RBBP8: variants seen among roughly 807,000 people sequenced by gnomAD.
RBBP8 encodes DNA endonuclease RBBP8.
RBBP8 carries 88 observed loss-of-function variants against 108.3 expected under a neutral mutation model. That is an observed-to-expected ratio of 0.81 (90% CI 0.68 to 0.97). RBBP8 has a LOEUF of 0.97. Ranked by LOEUF, RBBP8 falls within the 50% of genes least tolerant of loss-of-function variation. The pLI is 0.00. For synonymous variants in RBBP8, 332 were observed against 348.2 expected (o/e 0.95, Z 0.52); for missense variants, 1,023 against 1,049.0 (o/e 0.98, Z 0.34).
At chr18:22,956,946 C>T (rs767991883) in intron 4 of RBBP8, among the ~76,000 whole-genome samples, 12 of 152,006 alleles carry the variant, frequency 7.9e-5, no homozygotes, top group Non-Finnish European at 1.2e-4. Flanking sequence ...GTAGATAGAA[C>T]GCATTTTTTT....
chr18:22,955,401 A>T (rs902015591), intron 4 of RBBP8, among the ~76,000 whole-genome samples: 7 of 152,044 alleles, frequency 4.6e-5, no homozygotes, highest in African/African-American at 1.7e-4. Context: ...CTGTTTTTTT[A>T]AATACAGTAG....
At chr18:22,960,696 C>A (rs1043634240) in intron 4 of RBBP8, among the ~76,000 whole-genome samples, 24 of 152,230 alleles carry the variant, frequency 1.6e-4, no homozygotes, top group African/African-American at 5.1e-4. Context: ...CCTCAGCCTC[C>A]CAAAGTGCTA....
rs1411441838 is a variant in RBBP8 at position 22,950,582 on chromosome 18, A to G, written c.248+869A>G. Among the ~76,000 whole-genome samples, 7 of 152,036 alleles carry G rather than the reference A, an allele frequency of 4.6e-5. No individual in the cohort carries two copies. In the East Asian group the frequency reaches 1.4e-3, roughly 29 times the overall value. ...CAAGACCGTGTCTCCAAAAAAAAAA[A>G]AAAAATACAAACCCACGATATCCCA... On this transcript the variant is annotated intron_variant, in intron 4 of 18. Coordinates refer to ENST00000327155, the MANE Select transcript of RBBP8 (RefSeq NM_002894.3).
At position 23,010,416 on chromosome 18, in the gene RBBP8, A is replaced by G. The variant is rs548768263; in HGVS notation, c.2357+3984A>G. ...CAGGAGTTTGAGACCAGCCTGGGCA[A>G]CACAGTGAGACCTCGTCTCTACAAA... On this transcript the variant is annotated intron_variant, in intron 16 of 18. Transcript: ENST00000327155. 4.3e-4 allele frequency among the ~76,000 whole-genome samples: 66 copies of G among 152,264 alleles called. 1 individual carries two copies. The highest frequency in any genetic ancestry group is 1.5e-3 in the African/African-American group (64 of 41,550).
intron 18 of RBBP8, among the ~76,000 whole-genome samples, chr18:23,024,040 ATTTTTTTT>A (rs35157427): frequency 2.9e-5 from 3 of 102,928 alleles, no homozygotes; most frequent in Non-Finnish European, 5.6e-5. Context: ...TACCCAGCCT[ATTTTTTTT>A]TTTTTTTTTT....
chr18:22,939,713 G>C (rs1910895248), intron 2 of RBBP8, among the ~76,000 whole-genome samples: 1 of 152,160 alleles, frequency 6.6e-6, no homozygotes, highest in South Asian at 2.1e-4. Context: ...GCCAGACCTT[G>C]TGAATAAGAA....
chr18:22,937,499 TA>T (rs1360269243), intron 2 of RBBP8, among the ~76,000 whole-genome samples: 50 of 151,834 alleles, frequency 3.3e-4, no homozygotes, highest in African/African-American at 1.0e-3. Context: ...TTTTTTTTTT[TA>T]TTTTTTTTGA....
Position 23,026,405 on chromosome 18 carries a change from CAAT to C in RBBP8, c.*168_*170del. The C allele has an allele frequency of 3.2e-6, 2 of 632,926 alleles. No individual in the cohort carries two copies. The highest frequency in any genetic ancestry group is 4.2e-4 in the Middle Eastern group (1 of 2,354). 39.2% of individuals were successfully genotyped at this position (632,926 alleles called of 1,614,324 possible). ...ATATTTTGCTTTTGCACCTTTAAAA[CAAT>C]AAGGCGCTTTCATTTTGCACTCTAA... On this transcript the variant is annotated 3_prime_UTR_variant, in exon 19 of 19. Transcript: ENST00000327155.
intron 15 of RBBP8, 150 bp downstream of exon 15, chr18:23,001,879 G>A: frequency 2.6e-6 from 3 of 1,171,472 alleles, no homozygotes; most frequent in South Asian, 1.5e-5. Flanking sequence ...AAAATTTTGA[G>A]ATAATTTTAC....
chr18:22,949,554 C>T (rs187363940), intron 3 of RBBP8, 64 bp from the exon 4 acceptor site: 4 of 1,160,142 alleles, frequency 3.4e-6, no homozygotes, highest in Non-Finnish European at 5.1e-6. Flanking sequence ...CACGGTGGAG[C>T]TCTTAGAATT....
At chr18:22,967,200 A>G (rs1913680160) in intron 4 of RBBP8, among the ~76,000 whole-genome samples, 1 of 152,016 alleles carries the variant, frequency 6.6e-6, no homozygotes, top group Non-Finnish European at 1.5e-5. Flanking sequence ...CCCCATCTCT[A>G]TGAAAAATAC....
chr18:23,020,283 T>C (rs2046327269), intron 17 of RBBP8, among the ~76,000 whole-genome samples: 1 of 151,668 alleles, frequency 6.6e-6, no homozygotes. Flanking sequence ...TAGCTGAGCG[T>C]GGTGGTGCAT....
intron 6 of RBBP8, among the ~76,000 whole-genome samples, chr18:22,980,987 T>TTTTG (rs1914886737): frequency 8.1e-6 from 1 of 122,736 alleles, no homozygotes; most frequent in Non-Finnish European, 1.7e-5. Flanking sequence ...TTTTTTTTTT[T>TTTTG]TTTGAGACGG....
chr18:22,984,723 T>C (rs753791837), intron 7 of RBBP8, among the ~76,000 whole-genome samples, 163 bp from the exon 8 acceptor site: 2 of 152,224 alleles, frequency 1.3e-5, no homozygotes, highest in Non-Finnish European at 2.9e-5. Context: ...TAAAGGAGCT[T>C]ACTTCTTAGA....
chr18:23,016,556 A>G (rs1057142632), intron 16 of RBBP8, among the ~76,000 whole-genome samples: 11 of 152,026 alleles, frequency 7.2e-5, no homozygotes, highest in African/African-American at 2.4e-4. Context: ...ATAAATAAAT[A>G]TTTCTGTGAA....
chr18:22,933,784 G>T (rs1910230519), intron 1 of RBBP8: 1 of 152,180 alleles, frequency 6.6e-6, no homozygotes. Context: ...TCTCCCGCGC[G>T]GGCTGAGGAA....
intron 2 of RBBP8, among the ~76,000 whole-genome samples, chr18:22,944,706 AG>A (rs1364255705): frequency 1.3e-5 from 2 of 152,218 alleles, no homozygotes; most frequent in Non-Finnish European, 1.5e-5. Context: ...GTGTCATATC[AG>A]TTGGACATTT....
In RBBP8 at chr18:22,991,465, C is replaced by T. The variant is rs9949939; in HGVS notation, c.920+416C>T. ...CTATTAACTAATAATACAGCCATTC[C>T]GTGATATCAGTGGGGGATTAGTTAT... On this transcript the variant is annotated intron_variant, in intron 10 of 18. Transcript: ENST00000327155. Among the ~76,000 whole-genome samples the T allele has an allele frequency of 8.5e-3, 1,286 of 152,178 alleles. 22 individuals carry two copies. The highest frequency in any genetic ancestry group is 0.03 in the African/African-American group (1,235 of 41,516).
At chr18:22,978,298 A>G (rs1325337363) in intron 6 of RBBP8, among the ~76,000 whole-genome samples, 1 of 152,226 alleles carries the variant, frequency 6.6e-6, no homozygotes, top group Non-Finnish European at 1.5e-5. Context: ...AGCCATCAGA[A>G]GGAAAAGTGA....
Sources: gnomAD v4.1 joint callset for allele counts (sites outside exome capture counted in the v4.1 genomes callset) on GRCh38, gnomAD v4.1.1 for gene constraint, MANE v1.5 for transcripts, NCBI Gene and HGNC (gene_info 2026-07-23, HGNC 2026-07-21) for gene names.